EEFSEC: variants seen among roughly 807,000 people sequenced by gnomAD.
The protein encoded by EEFSEC is eukaryotic elongation factor, selenocysteine-tRNA specific.
In EEFSEC, 43 loss-of-function variants were observed where a neutral mutation model predicts 42.1. The observed-to-expected ratio is 1.02, with a 90% CI of 0.80 to 1.32. The LOEUF (loss-of-function observed/expected upper bound fraction) is 1.32. EEFSEC is among the 40% of genes most tolerant of loss of function. The probability of loss-of-function intolerance (pLI) is 0.00; values close to 1 mark genes in which losing one functional copy is unlikely to be tolerated. For missense variants in EEFSEC, 745 were observed against 803.6 expected (o/e 0.93, Z 0.88); for synonymous variants, 354 against 339.1 (o/e 1.04, Z -0.48).
intron 4 of EEFSEC, among the ~76,000 whole-genome samples, chr3:128,269,571 C>T (rs749407599): frequency 2.6e-4 from 39 of 152,318 alleles, no homozygotes; most frequent in Non-Finnish European, 4.9e-4. Flanking sequence ...CTTGAACTCC[C>T]TTGGAGGCAG....
At chr3:128,237,344 A>T (rs565453769) in intron 1 of EEFSEC, among the ~76,000 whole-genome samples, 206 of 151,660 alleles carry the variant, frequency 1.4e-3, no homozygotes, top group African/African-American at 4.3e-3. Flanking sequence ...GATTATAAAA[A>T]ATTTTTTTCT....
At chr3:128,391,763 C>G (rs961356790) in intron 6 of EEFSEC, among the ~76,000 whole-genome samples, 1 of 152,250 alleles carries the variant, frequency 6.6e-6, no homozygotes, top group African/African-American at 2.4e-5. Context: ...CATAGCGGCC[C>G]CACCTGGCCC....
At chr3:128,188,829 T>C (rs1371501885) in intron 1 of EEFSEC, among the ~76,000 whole-genome samples, 1 of 152,172 alleles carries the variant, frequency 6.6e-6, no homozygotes, top group Non-Finnish European at 1.5e-5. Flanking sequence ...CATGGTGATC[T>C]TACTGGATTC....
In EEFSEC at chr3:128,312,461, G is replaced by A. The variant is rs115573371; in HGVS notation, c.787-28772G>A. ...GGATCCCACCGCCTTTGTGTCACCA[G>A]ACTGCGCTGGAATAGGGGAGCCTTT... On this transcript the variant is annotated intron_variant, in intron 4 of 6. Transcript: ENST00000254730. 7.1e-3 allele frequency among the ~76,000 whole-genome samples: 1,075 copies of A among 152,394 alleles called. 21 individuals are homozygous for A. The highest frequency in any genetic ancestry group is 0.025 in the African/African-American group (1,022 of 41,600).
At chr3:128,365,311 G>T (rs2067577231) in intron 6 of EEFSEC, among the ~76,000 whole-genome samples, 1 of 152,328 alleles carries the variant, frequency 6.6e-6, no homozygotes, top group Non-Finnish European at 1.5e-5. Context: ...TTAGGAGAGG[G>T]ACGGGTCAGA....
intron 6 of EEFSEC, among the ~76,000 whole-genome samples, chr3:128,360,163 T>C (rs931274477): frequency 1.3e-4 from 20 of 152,348 alleles, no homozygotes; most frequent in African/African-American, 4.6e-4. Flanking sequence ...TCCTCCCCAC[T>C]TCTCCATAGT....
At chr3:128,273,171 G>T (rs1272930514) in intron 4 of EEFSEC, among the ~76,000 whole-genome samples, 1 of 152,184 alleles carries the variant, frequency 6.6e-6, no homozygotes, top group Non-Finnish European at 1.5e-5. Context: ...TTGGGGTGGG[G>T]TGGTCTGAGC....
At chr3:128,399,388 G>A (rs926613603) in intron 6 of EEFSEC, among the ~76,000 whole-genome samples, 5 of 152,216 alleles carry the variant, frequency 3.3e-5, no homozygotes, top group East Asian at 1.9e-4. Flanking sequence ...CGTCGAGTGC[G>A]CGCTTGAGAG....
At chr3:128,385,211 A>G (rs1356532268) in intron 6 of EEFSEC, among the ~76,000 whole-genome samples, 1 of 152,224 alleles carries the variant, frequency 6.6e-6, no homozygotes, top group Non-Finnish European at 1.5e-5. Context: ...AGCAGCTGCT[A>G]TAGCTCAGAC....
intron 6 of EEFSEC, among the ~76,000 whole-genome samples, chr3:128,397,712 C>G (rs1416358737): frequency 1.3e-5 from 2 of 152,280 alleles, no homozygotes; most frequent in Non-Finnish European, 2.9e-5. Context: ...CAGCTCAGCT[C>G]TGGCCCAGCT....
At chr3:128,361,259 G>A (rs959038273) in intron 6 of EEFSEC, among the ~76,000 whole-genome samples, 10 of 152,196 alleles carry the variant, frequency 6.6e-5, no homozygotes, top group African/African-American at 2.4e-4. Flanking sequence ...GGCCAAGCAG[G>A]TGTTGAAGAG....
chr3:128,419,472 T>G, the EEFSEC span, among the ~76,000 whole-genome samples: 1 of 152,194 alleles, frequency 6.6e-6, no homozygotes, highest in South Asian at 2.1e-4. Context: ...GTGTGTTCTG[T>G]GAATGCAGGC....
chr3:128,195,669 A>T (rs2811510), intron 1 of EEFSEC, among the ~76,000 whole-genome samples: 1 of 152,116 alleles, frequency 6.6e-6, no homozygotes, highest in Admixed American at 6.5e-5. Flanking sequence ...TAGTTATTGC[A>T]TAAGTGTTTC....
chr3:128,291,971 G>A (rs2066648734), intron 4 of EEFSEC, among the ~76,000 whole-genome samples: 2 of 152,062 alleles, frequency 1.3e-5, no homozygotes, highest in African/African-American at 4.8e-5. Flanking sequence ...TTTCTGATTT[G>A]CTGAAAGCTT....
At chr3:128,186,370 G>C (rs193285256) in intron 1 of EEFSEC, among the ~76,000 whole-genome samples, 1 of 152,208 alleles carries the variant, frequency 6.6e-6, no homozygotes, top group East Asian at 1.9e-4. Context: ...CCATTCTGTG[G>C]GTTGTCTTTT....
chr3:128,249,341 C>T (rs935121536), intron 2 of EEFSEC, among the ~76,000 whole-genome samples: 1 of 152,174 alleles, frequency 6.6e-6, no homozygotes, highest in Non-Finnish European at 1.5e-5. Context: ...GCTGCTGGCA[C>T]TTTTGGATTT....
chr3:128,325,130 A>T (rs2067050340), intron 4 of EEFSEC, among the ~76,000 whole-genome samples: 1 of 152,214 alleles, frequency 6.6e-6, no homozygotes, highest in Non-Finnish European at 1.5e-5. Flanking sequence ...GTGGACCTGG[A>T]GCCCAGAGCT....
chr3:128,180,101 G>T (rs200331031), intron 1 of EEFSEC, among the ~76,000 whole-genome samples: 180 of 80,280 alleles, frequency 2.2e-3, no homozygotes, highest in Middle Eastern at 6.6e-3. Flanking sequence ...CATGTTTTTG[G>T]TTTTTTTTTG....
At chr3:128,235,941 G>GGTTTGTTT (rs66797888) in intron 1 of EEFSEC, among the ~76,000 whole-genome samples, 2,154 of 149,172 alleles carry the variant, frequency 0.014, 22 homozygotes, top group East Asian at 0.029. Context: ...GATGGGCAAA[G>GGTTTGTTT]GTTTGTTTGT....
Sources: gnomAD v4.1 joint callset for allele counts (sites outside exome capture counted in the v4.1 genomes callset) on GRCh38, gnomAD v4.1.1 for gene constraint, MANE v1.5 for transcripts, NCBI Gene and HGNC (gene_info 2026-07-23, HGNC 2026-07-21) for gene names.